EPB41L2: variants seen among roughly 807,000 people sequenced by gnomAD.
EPB41L2 encodes band 4.1-like protein 2.
A neutral mutation model predicts 113.0 loss-of-function variants in EPB41L2; 43 were observed. The observed-to-expected ratio is 0.38, with a 90% CI of 0.30 to 0.49. The LOEUF is 0.49. Ranked by LOEUF, EPB41L2 falls within the 20% of genes least tolerant of loss-of-function variation. The pLI, the probability that EPB41L2 is intolerant of heterozygous loss-of-function variation, is 0.95. For synonymous variants in EPB41L2, 442 were observed against 436.7 expected, an observed-to-expected ratio of 1.01 and a Z score of -0.15; for missense variants, 1,147 against 1,223.4, an observed-to-expected ratio of 0.94 and a Z score of 0.93.
chr6:130,942,293 C>T (rs1811142640), intron 3 of EPB41L2, among the ~76,000 whole-genome samples: 1 of 152,142 alleles, frequency 6.6e-6, no homozygotes, highest in Non-Finnish European at 1.5e-5. Context: ...TCCCTGTCCC[C>T]CATATCATGC....
chr6:130,928,050 G>A (rs375693872), intron 3 of EPB41L2, among the ~76,000 whole-genome samples: 4 of 152,218 alleles, frequency 2.6e-5, no homozygotes, highest in East Asian at 3.9e-4. Flanking sequence ...CTGTGTTCAC[G>A]CCACTGCAAT....
intron 1 of EPB41L2, among the ~76,000 whole-genome samples, chr6:131,029,623 C>T (rs376720480): frequency 1.3e-4 from 20 of 152,260 alleles, no homozygotes; most frequent in African/African-American, 4.8e-4. Flanking sequence ...TTCATTCTCC[C>T]ACCTCAACGC....
rs185158868 is a variant in EPB41L2, at chr6:131,061,324, T to G, written c.-15+1831A>C. ...TAAATTAGCGCTAAATCCACACCAT[T>G]GTTCCAAGCCATTACCACTTGTACA... On this transcript the variant is annotated intron_variant, in intron 1 of 19. Coordinates refer to ENST00000337057, the MANE Select transcript of EPB41L2 (RefSeq NM_001431.4). 9.9e-5 allele frequency among the ~76,000 whole-genome samples: 15 copies of G among 152,274 alleles called. No homozygotes were observed. In the East Asian group the frequency reaches 2.5e-3, roughly 25 times the overall value.
At chr6:131,062,570 C>A (rs1216980916) in intron 1 of EPB41L2, 2 of 151,246 alleles carry the variant, frequency 1.3e-5, no homozygotes, top group African/African-American at 4.8e-5. Flanking sequence ...CGACCCGCAC[C>A]GCGCGTGGGG....
chr6:131,008,776 T>C (rs1429115461), intron 1 of EPB41L2, among the ~76,000 whole-genome samples: 1 of 152,222 alleles, frequency 6.6e-6, no homozygotes, highest in Non-Finnish European at 1.5e-5. Context: ...GTTTAATTAC[T>C]GCCCTATTGG....
At chr6:130,992,399 C>T (rs934452109) in intron 1 of EPB41L2, among the ~76,000 whole-genome samples, 57 of 152,120 alleles carry the variant, frequency 3.7e-4, no homozygotes, top group Admixed American at 1.0e-3. Flanking sequence ...ACATCCATAC[C>T]CCCCATACCC....
At chr6:130,932,262 A>G (rs1807151321) in intron 3 of EPB41L2, among the ~76,000 whole-genome samples, 1 of 152,044 alleles carries the variant, frequency 6.6e-6, no homozygotes, top group Non-Finnish European at 1.5e-5. Context: ...CTCTTAATAT[A>G]CACTAATATT....
At chr6:130,853,874 C>G (rs1439919441) in intron 19 of EPB41L2, among the ~76,000 whole-genome samples, 1 of 152,218 alleles carries the variant, frequency 6.6e-6, no homozygotes, top group Non-Finnish European at 1.5e-5. Flanking sequence ...CTCAGCCCAC[C>G]TGCTGCCTCT....
intron 3 of EPB41L2, among the ~76,000 whole-genome samples, chr6:130,939,840 T>C (rs1398401308): frequency 6.6e-6 from 1 of 152,172 alleles, no homozygotes; most frequent in Non-Finnish European, 1.5e-5. Flanking sequence ...TCCACTTTAT[T>C]TTAGTATGTG....
At chr6:131,052,556 C>T (rs1187327106) in intron 1 of EPB41L2, among the ~76,000 whole-genome samples, 1 of 151,906 alleles carries the variant, frequency 6.6e-6, no homozygotes, top group African/African-American at 2.4e-5. Context: ...GCAAAGAAAA[C>T]GAATAAGGAA....
At chr6:130,992,016 A>G (rs1267498986) in intron 1 of EPB41L2, among the ~76,000 whole-genome samples, 1 of 152,090 alleles carries the variant, frequency 6.6e-6, no homozygotes, top group Non-Finnish European at 1.5e-5. Flanking sequence ...GAAGAAAAAA[A>G]AGAAAAAAAA....
At chr6:130,887,063 A>G (rs1946294726) in intron 11 of EPB41L2, among the ~76,000 whole-genome samples, 1 of 152,144 alleles carries the variant, frequency 6.6e-6, no homozygotes, top group African/African-American at 2.4e-5. Flanking sequence ...ATACTCAGAA[A>G]TTTTGCAAAA....
rs143699505 is a variant in EPB41L2 at position 131,025,268 on chromosome 6, A to G, written c.-15+37887T>C. On this transcript the variant is annotated intron_variant, in intron 1 of 19. Coordinates refer to ENST00000337057, the MANE Select transcript of EPB41L2 (RefSeq NM_001431.4). ...ACTTGTTTTGAAGGCTAAATGAGAT[A>G]CTACATCCAAAAGTACTTAGCATAA... 1.8e-3 allele frequency among the ~76,000 whole-genome samples: 267 copies of G among 152,260 alleles called. 2 individuals carry two copies. Among genetic ancestry groups the G allele is most frequent in the African/African-American group, 5.2e-3 (217 of 41,538 alleles).
chr6:131,003,413 C>G (rs982737079), intron 1 of EPB41L2, among the ~76,000 whole-genome samples: 3 of 152,180 alleles, frequency 2.0e-5, no homozygotes, highest in Non-Finnish European at 4.4e-5. Flanking sequence ...TCCTTTGAAT[C>G]CAAGCTTGAC....
intron 1 of EPB41L2, among the ~76,000 whole-genome samples, chr6:130,980,074 A>G (rs1779045393): frequency 1.3e-5 from 2 of 152,220 alleles, no homozygotes; most frequent in Admixed American, 1.3e-4. Flanking sequence ...GGCATGACCA[A>G]CAGGGGCAAG....
Position 130,972,937 on chromosome 6 carries a change from C to CAAAAA in EPB41L2, c.-14-16443_-14-16439dup, listed in dbSNP as rs57293132. Among the ~76,000 whole-genome samples, 28 of 59,514 alleles carry CAAAAA rather than the reference C, an allele frequency of 4.7e-4. 2 individuals are homozygous for CAAAAA. In the East Asian group the frequency reaches 8.3e-3, roughly 18 times the overall value. 39.0% of individuals were successfully genotyped at this position (59,514 alleles called of 152,430 possible). ...TGAAACCCCATCTCTACTAAAGATA[C>CAAAAA]AAAAAAAAAAAAAAAAAAAAAAAAA... On this transcript the variant is annotated intron_variant, in intron 1 of 19. Coordinates refer to ENST00000337057, the MANE Select transcript of EPB41L2 (RefSeq NM_001431.4).
rs9388866 is a variant in EPB41L2 at position 130,905,263 on chromosome 6, T to C, written c.854-723A>G. On this transcript the variant is annotated intron_variant, in intron 5 of 19. Transcript: ENST00000337057. ...ATTTAACTGCTATTTTGATAGATCA[T>C]GTGTAGGATAACTTTAAAAAAGTAA... 4.0e-4 allele frequency among the ~76,000 whole-genome samples: 61 copies of C among 152,252 alleles called. No homozygotes were observed. The East Asian group carries it at 0.011, about 28-fold the overall frequency.
At chr6:130,913,370 G>A (rs1800003923) in intron 4 of EPB41L2, among the ~76,000 whole-genome samples, 1 of 152,120 alleles carries the variant, frequency 6.6e-6, no homozygotes, top group Non-Finnish European at 1.5e-5. Flanking sequence ...TCCTCACCGC[G>A]TTTTCCCTTT....
chr6:131,020,265 T>C (rs74375136), intron 1 of EPB41L2, among the ~76,000 whole-genome samples: 8,053 of 152,246 alleles, frequency 0.053, 312 homozygotes, highest in East Asian at 0.13. Context: ...TTTGTTCATA[T>C]CATTAACTCC....
Sources: allele counts gnomAD v4.1 joint callset (sites outside exome capture counted in the v4.1 genomes callset), GRCh38; gene constraint gnomAD v4.1.1; transcripts MANE v1.5; gene names NCBI Gene and HGNC (gene_info 2026-07-23, HGNC 2026-07-21).